Variants in KCNJ6 observed in about 807,000 individuals in gnomAD.
The protein encoded by KCNJ6 is G protein-activated inward rectifier potassium channel 2.
In KCNJ6, 9 loss-of-function variants were observed where a neutral mutation model predicts 34.2. The observed-to-expected ratio is 0.26, with a 90% confidence interval of 0.16 to 0.46. KCNJ6 has a LOEUF of 0.46. Ranked by LOEUF, KCNJ6 falls within the 20% of genes least tolerant of loss-of-function variation. The pLI is 1.00. For missense variants in KCNJ6, 236 were observed against 531.3 expected, an observed-to-expected ratio of 0.44 and a Z score of 5.46; for synonymous variants, 196 against 207.1, an observed-to-expected ratio of 0.95 and a Z score of 0.46.
At chr21:37,912,498 C>T (rs992206451) in intron 1 of KCNJ6, among the ~76,000 whole-genome samples, 3 of 152,160 alleles carry the variant, frequency 2.0e-5, no homozygotes, top group African/African-American at 4.8e-5. Context: ...ATCTAACAGT[C>T]TATATTCTCG....
chr21:37,612,758 G>C lies in KCNJ6; in HGVS notation c.*12401C>G, dbSNP rs1366979164. The C allele has an allele frequency of 2.2e-5, 3 of 137,672 alleles. No individual in the cohort carries two copies. In the Middle Eastern group the frequency reaches 0.011, roughly 521 times the overall value. 8.5% of individuals were successfully genotyped at this position (137,672 alleles called of 1,614,324 possible). A position where few individuals can be genotyped will look rare whatever the true frequency, so the allele number is the denominator to read the frequency against. Reference sequence around the variant, plus strand: ...AAAAAAAAAAAAGAGTCTAAATACAGACCTAACAAACACTTTTCACAAAAA... The same window carrying C: ...AAAAAAAAAAAAGAGTCTAAATACACACCTAACAAACACTTTTCACAAAAA... On this transcript the variant is annotated 3_prime_UTR_variant, in exon 4 of 4. Transcript: ENST00000609713.
At chr21:37,671,619 C>T (rs73904027) in intron 3 of KCNJ6, among the ~76,000 whole-genome samples, 11,713 of 152,266 alleles carry the variant, frequency 0.077, 1,097 homozygotes, top group African/African-American at 0.22. Context: ...CCTGTGCTTG[C>T]GACTGGCATC....
intron 3 of KCNJ6, among the ~76,000 whole-genome samples, chr21:37,696,728 T>G (rs192644088): frequency 8.0e-4 from 122 of 152,250 alleles, no homozygotes; most frequent in African/African-American, 2.6e-3. Context: ...AAAATCACAC[T>G]GTGGTTTTGT....
intron 2 of KCNJ6, among the ~76,000 whole-genome samples, chr21:37,835,417 C>T (rs2055446909): frequency 6.6e-6 from 1 of 152,178 alleles, no homozygotes; most frequent in South Asian, 2.1e-4. Context: ...ATCAATGAAA[C>T]CATGTGGCAA....
At chr21:37,775,952 T>C (rs2055140049) in intron 2 of KCNJ6, among the ~76,000 whole-genome samples, 1 of 152,284 alleles carries the variant, frequency 6.6e-6, no homozygotes, top group South Asian at 2.1e-4. Context: ...AGTATGGCCA[T>C]TTTCACGATA....
chr21:37,900,213 T>A (rs1439951751), intron 1 of KCNJ6, among the ~76,000 whole-genome samples: 1 of 152,240 alleles, frequency 6.6e-6, no homozygotes, highest in Non-Finnish European at 1.5e-5. Flanking sequence ...TCTGATATAG[T>A]GTGTAGAAAG....
At chr21:37,812,280 T>C (rs1055164906) in intron 2 of KCNJ6, among the ~76,000 whole-genome samples, 2 of 152,168 alleles carry the variant, frequency 1.3e-5, no homozygotes, top group African/African-American at 4.8e-5. Flanking sequence ...CACCTGGTTG[T>C]TCCTCTTAGA....
At chr21:37,881,988 A>G (rs2055711107) in intron 1 of KCNJ6, among the ~76,000 whole-genome samples, 1 of 152,150 alleles carries the variant, frequency 6.6e-6, no homozygotes, top group South Asian at 2.1e-4. Flanking sequence ...TAAACATTAT[A>G]GGGCTTCTGT....
At chr21:37,735,987 C>A (rs903298269) in intron 2 of KCNJ6, among the ~76,000 whole-genome samples, 2 of 151,138 alleles carry the variant, frequency 1.3e-5, no homozygotes, top group African/African-American at 4.9e-5. Context: ...AGAATTCTCC[C>A]CCTCCGGGCT....
chr21:37,731,735 C>T (rs1484800820), intron 2 of KCNJ6, among the ~76,000 whole-genome samples: 1 of 152,144 alleles, frequency 6.6e-6, no homozygotes, highest in African/African-American at 2.4e-5. Flanking sequence ...GAGTATAGAG[C>T]AACAATCAAG....
At chr21:37,913,819 A>AAAAG (rs1478008310) in intron 1 of KCNJ6, among the ~76,000 whole-genome samples, 1 of 152,108 alleles carries the variant, frequency 6.6e-6, no homozygotes, top group East Asian at 1.9e-4. Context: ...CTCCGTCTAA[A>AAAAG]AAAGAAAGAA....
intron 2 of KCNJ6, among the ~76,000 whole-genome samples, chr21:37,823,785 A>G (rs1225011224): frequency 6.6e-6 from 1 of 152,164 alleles, no homozygotes; most frequent in East Asian, 1.9e-4. Flanking sequence ...CTAATACACC[A>G]TAGAAGCAGA....
chr21:37,780,123 A>G (rs2055162157), intron 2 of KCNJ6, among the ~76,000 whole-genome samples: 1 of 152,138 alleles, frequency 6.6e-6, no homozygotes, highest in South Asian at 2.1e-4. Context: ...AATATTATTC[A>G]GCAATAAAAA....
chr21:37,841,021 A>G (rs1022326917), intron 1 of KCNJ6, among the ~76,000 whole-genome samples: 23 of 152,132 alleles, frequency 1.5e-4, no homozygotes, highest in Admixed American at 3.3e-4. Context: ...TTTGACATCC[A>G]TATGCCAATT....
chr21:37,863,849 TTTTTTTTTTTG>T (rs982779299), intron 1 of KCNJ6, among the ~76,000 whole-genome samples: 4 of 84,140 alleles, frequency 4.8e-5, no homozygotes, highest in Non-Finnish European at 9.5e-5. Flanking sequence ...TATAAAGGTT[TTTTTTTTTTTG>T]TTTTTTTTTT....
chr21:37,684,348 A>ATTT (rs35320914), intron 3 of KCNJ6, among the ~76,000 whole-genome samples: 1 of 147,408 alleles, frequency 6.8e-6, no homozygotes. Flanking sequence ...TTTCCACTCC[A>ATTT]TTTTTTTTTT....
chr21:37,655,220 TGTGTGA>T (rs2054455630), intron 3 of KCNJ6, among the ~76,000 whole-genome samples: 16 of 8,974 alleles, frequency 1.8e-3, no homozygotes, highest in Non-Finnish European at 6.8e-3. Flanking sequence ...TGTGTGTGTG[TGTGTGA>T]GAGAGAGAGA....
rs954769837 is a variant in KCNJ6, at chr21:37,623,348, C to T, written c.*1811G>A. 6.6e-6 allele frequency: 1 copy of T among 152,250 alleles called. No individual in the cohort carries two copies. Among genetic ancestry groups the T allele is most frequent in the African/African-American group, 2.4e-5 (1 of 41,452 alleles). 9.4% of individuals were successfully genotyped at this position (152,250 alleles called of 1,614,324 possible). A position where few individuals can be genotyped will look rare whatever the true frequency, so the allele number is the denominator to read the frequency against. On this transcript the variant is annotated 3_prime_UTR_variant, in exon 4 of 4. Transcript: ENST00000609713. ...AGGCAAGGGAAACAAAGAGGGACAG[C>T]TAGTTTGATCTCTTTGACCTCCATG...
At chr21:37,887,538 A>T (rs1047273940) in intron 1 of KCNJ6, among the ~76,000 whole-genome samples, 4 of 152,196 alleles carry the variant, frequency 2.6e-5, no homozygotes, top group African/African-American at 7.2e-5. Flanking sequence ...CAGAAATAAC[A>T]GCTGTGTATT....
Sources: gnomAD v4.1 joint callset for allele counts (sites outside exome capture counted in the v4.1 genomes callset) on GRCh38, gnomAD v4.1.1 for gene constraint, MANE v1.5 for transcripts, NCBI Gene and HGNC (gene_info 2026-07-23, HGNC 2026-07-21) for gene names.